The following RNF212 variants were observed in gnomAD, a reference collection of about 807,000 sequenced individuals.
RNF212 encodes probable E3 SUMO-protein ligase RNF212.
A neutral mutation model predicts 34.7 loss-of-function variants in RNF212; 33 were observed. The ratio of observed to expected loss-of-function variants is 0.95; its 90% CI spans 0.72 to 1.27. RNF212 has a LOEUF of 1.27. Ranked by LOEUF, RNF212 falls within the 50% of genes most tolerant of loss-of-function variation. The probability of loss-of-function intolerance (pLI) is 0.00; values close to 1 mark genes in which losing one functional copy is unlikely to be tolerated. For synonymous variants in RNF212, 140 were observed against 136.1 expected, an observed-to-expected ratio of 1.03 and a Z score of -0.20; for missense variants, 377 against 362.2, an observed-to-expected ratio of 1.04 and a Z score of -0.33.
At chr4:1,110,719 A>C (rs949666102) in intron 1 of RNF212, among the ~76,000 whole-genome samples, 13 of 152,212 alleles carry the variant, frequency 8.5e-5, no homozygotes, top group African/African-American at 3.1e-4. Flanking sequence ...CACCAGAGCT[A>C]AACAAGGGCT....
intron 1 of RNF212, among the ~76,000 whole-genome samples, chr4:1,109,794 C>T (rs920519974): frequency 6.6e-6 from 1 of 152,174 alleles, no homozygotes; most frequent in Non-Finnish European, 1.5e-5. Flanking sequence ...TTGGAGGCAG[C>T]ATCTCTTCCA....
At chr4:1,067,306 C>T (rs1718155162), downstream of RNF212, among the ~76,000 whole-genome samples, 1 of 151,954 alleles carries the variant, frequency 6.6e-6, no homozygotes, top group Non-Finnish European at 1.5e-5. Context: ...AAAATCCTGT[C>T]ATATATAAAA....
In RNF212 at chr4:1,071,874, C is replaced by T. The variant is rs1278505131; in HGVS notation, c.*1000G>A. On this transcript the variant is annotated 3_prime_UTR_variant, in exon 10 of 10. Coordinates refer to ENST00000433731, the MANE Select transcript of RNF212 (RefSeq NM_001131034.4). ...GGTAGTTTGGCAATTTCTTTCAAAACTAAACACCCTCTCACCATCTGATCC... is the reference window on the plus strand; with the variant it reads ...GGTAGTTTGGCAATTTCTTTCAAAATTAAACACCCTCTCACCATCTGATCC... The T allele has an allele frequency of 6.6e-6, 1 of 152,212 alleles. No individual in the cohort carries two copies. Among genetic ancestry groups the T allele is most frequent in the East Asian group, 1.9e-4 (1 of 5,204 alleles). 9.4% of individuals were successfully genotyped at this position (152,212 alleles called of 1,614,324 possible).
downstream of RNF212, among the ~76,000 whole-genome samples, chr4:1,067,838 A>T (rs978801540): frequency 6.6e-6 from 1 of 151,372 alleles, no homozygotes; most frequent in East Asian, 1.9e-4. Context: ...ACTGCACTCC[A>T]GCCTGGGCGA....
chr4:1,063,637 T>C (rs188988195), intron 3 of RNF212, among the ~76,000 whole-genome samples: 11 of 148,762 alleles, frequency 7.4e-5, no homozygotes, highest in Admixed American at 6.7e-4. Flanking sequence ...GAGGTGGAGG[T>C]TGCAGTGAGA....
intron 4 of RNF212, among the ~76,000 whole-genome samples, chr4:1,088,165 T>C (rs1401048730): frequency 6.6e-6 from 1 of 152,182 alleles, no homozygotes; most frequent in African/African-American, 2.4e-5. Flanking sequence ...TAGAGAGTTG[T>C]TGAATGGTTT....
intron 4 of RNF212, among the ~76,000 whole-genome samples, chr4:1,086,586 G>T (rs1438522172): frequency 3.5e-5 from 2 of 56,858 alleles, no homozygotes; most frequent in African/African-American, 1.7e-4. Flanking sequence ...AAAGAGGATG[G>T]CATGAGGGTG....
At chr4:1,067,105 G>GGACAT (rs1237029774), downstream of RNF212, among the ~76,000 whole-genome samples, 1 of 152,072 alleles carries the variant, frequency 6.6e-6, no homozygotes, top group East Asian at 1.9e-4. Flanking sequence ...TTTGTTTTGA[G>GGACAT]GACATGAATC....
Position 1,096,956 on chromosome 4 carries a change from C to G in RNF212, c.172-117G>C. 3 of 785,132 alleles carry G rather than the reference C, an allele frequency of 3.8e-6. No homozygotes were observed. The Admixed American group carries it at 5.5e-5, about 14-fold the overall frequency. The allele number at this position is 785,132 out of a possible 1,614,324, so 48.6% of individuals were successfully genotyped here. On this transcript the variant is annotated intron_variant, in intron 2 of 9. Transcript: ENST00000433731. ...CTATAGATGACTCAAGTGGCCAGCACATTGTGAATGGCCTCTCAGGGGCCC... is the reference window on the plus strand; with the variant it reads ...CTATAGATGACTCAAGTGGCCAGCAGATTGTGAATGGCCTCTCAGGGGCCC...
rs552626106 is a variant in RNF212 at position 1,061,224 on chromosome 4, C to A, written n.148-2831G>T. Among the ~76,000 whole-genome samples the A allele has an allele frequency of 2.0e-5, 3 of 152,306 alleles. No individual in the cohort carries two copies. In the East Asian group the frequency reaches 5.8e-4, roughly 29 times the overall value. On this transcript the variant is annotated intron_variant and non_coding_transcript_variant, in intron 3 of 4. Transcript: ENST00000503206. ...CATATAAGCAGCTGCTCCACCTCCCCCTACCCCACTCTACCCAGCAAGAGC... is the reference window on the plus strand; with the variant it reads ...CATATAAGCAGCTGCTCCACCTCCCACTACCCCACTCTACCCAGCAAGAGC...
rs1724372350 is a variant in RNF212 at position 1,103,643 on chromosome 4, T to A, written c.171+4700A>T. Among the ~76,000 whole-genome samples, 3 of 152,166 alleles carry A rather than the reference T, an allele frequency of 2.0e-5. No homozygotes were observed. The South Asian group carries it at 6.2e-4, about 32-fold the overall frequency. On this transcript the variant is annotated intron_variant, in intron 2 of 9. Coordinates refer to ENST00000433731, the MANE Select transcript of RNF212 (RefSeq NM_001131034.4). ...CATTAACAAAATAAATGAGAATAATTAAATGATAATCTCGACAGCTATAGA... is the reference window on the plus strand; with the variant it reads ...CATTAACAAAATAAATGAGAATAATAAAATGATAATCTCGACAGCTATAGA...
downstream of RNF212, among the ~76,000 whole-genome samples, chr4:1,067,882 A>AG: frequency 6.6e-6 from 1 of 152,150 alleles, no homozygotes; most frequent in East Asian, 1.9e-4. Context: ...AAAAAAAAAA[A>AG]AAAGAAATAC....
At chr4:1,109,278 GA>G (rs1284439502) in intron 1 of RNF212, among the ~76,000 whole-genome samples, 1 of 152,198 alleles carries the variant, frequency 6.6e-6, no homozygotes, top group Non-Finnish European at 1.5e-5. Flanking sequence ...AAAGTGCTGG[GA>G]TTATAGGCAT....
intron 3 of RNF212, among the ~76,000 whole-genome samples, chr4:1,092,918 C>T (rs1447944050): frequency 6.6e-6 from 1 of 152,282 alleles, no homozygotes; most frequent in Non-Finnish European, 1.5e-5. Context: ...CTCTTCGGTT[C>T]AATACCAGTT....
intron 3 of RNF212, among the ~76,000 whole-genome samples, chr4:1,059,800 A>T (rs887541912): frequency 1.3e-5 from 2 of 152,266 alleles, no homozygotes; most frequent in Non-Finnish European, 2.9e-5. Flanking sequence ...CTATATGGTC[A>T]GTTGAAATTG....
intron 7 of RNF212, among the ~76,000 whole-genome samples, chr4:1,080,259 G>A (rs1720114673): frequency 6.6e-6 from 1 of 152,194 alleles, no homozygotes; most frequent in Non-Finnish European, 1.5e-5. Context: ...TTTTCCAACA[G>A]CTCCAGCAAG....
At chr4:1,112,273 C>T (rs1725803150) in intron 1 of RNF212, among the ~76,000 whole-genome samples, 1 of 152,102 alleles carries the variant, frequency 6.6e-6, no homozygotes, top group Non-Finnish European at 1.5e-5. Flanking sequence ...AGCGGCTTTG[C>T]TGTAGGGCTG....
In RNF212 at chr4:1,093,961, G is replaced by A. The variant is rs1389403184; in HGVS notation, c.246+2804C>T. 3.3e-6 allele frequency: 5 copies of A among 1,536,094 alleles called. No individual in the cohort carries two copies. In the African/African-American group the frequency reaches 6.8e-5, roughly 21 times the overall value. On this transcript the variant is annotated intron_variant, in intron 3 of 9. Coordinates refer to ENST00000433731, the MANE Select transcript of RNF212 (RefSeq NM_001131034.4). ...TCGAGCCTCTGGGCACCTCCTTGGAGGATGTGGCTGGGCATAACTTGAGAC... is the reference window on the plus strand; with the variant it reads ...TCGAGCCTCTGGGCACCTCCTTGGAAGATGTGGCTGGGCATAACTTGAGAC...
intron 3 of RNF212, among the ~76,000 whole-genome samples, chr4:1,065,045 G>A (rs6599279): frequency 0.8 from 121,273 of 152,310 alleles, 48,763 homozygotes; most frequent in African/African-American, 0.89. Flanking sequence ...TTCATCTGAT[G>A]GATACTTAGA....
Sources: gnomAD v4.1 joint callset for allele counts (sites outside exome capture counted in the v4.1 genomes callset) on GRCh38, gnomAD v4.1.1 for gene constraint, MANE v1.5 for transcripts, NCBI Gene and HGNC (gene_info 2026-07-23, HGNC 2026-07-21) for gene names.